The following NSUN3 variants were observed in gnomAD, a reference collection of about 807,000 sequenced individuals.
NSUN3 encodes the protein tRNA (cytosine(34)-C(5))-methyltransferase, mitochondrial.
In NSUN3, 24 loss-of-function variants were observed where a neutral mutation model predicts 36.8. That is an observed-to-expected ratio of 0.65 (90% CI 0.47 to 0.92). The LOEUF (loss-of-function observed/expected upper bound fraction) is 0.92. Ranked by LOEUF, NSUN3 falls within the 40% of genes least tolerant of loss-of-function variation. The pLI, the probability that NSUN3 is intolerant of heterozygous loss-of-function variation, is 0.00. For missense variants in NSUN3, 381 were observed against 392.8 expected, an observed-to-expected ratio of 0.97 and a Z score of 0.25; for synonymous variants, 146 against 145.2, an observed-to-expected ratio of 1.01 and a Z score of -0.04.
At chr3:94,113,245 G>A (rs771357361) in intron 5 of NSUN3, among the ~76,000 whole-genome samples, 32 of 152,102 alleles carry the variant, frequency 2.1e-4, no homozygotes, top group South Asian at 2.1e-4. Context: ...TAGCCCTTAC[G>A]TAATGAATGG....
intron 2 of NSUN3, among the ~76,000 whole-genome samples, chr3:94,082,645 T>C (rs1483303705): frequency 6.6e-6 from 1 of 152,160 alleles, no homozygotes; most frequent in Non-Finnish European, 1.5e-5. Flanking sequence ...TAATTGACCA[T>C]AGTTAATGAG....
At chr3:94,118,801 T>C (rs2077450720) in intron 5 of NSUN3, among the ~76,000 whole-genome samples, 1 of 152,000 alleles carries the variant, frequency 6.6e-6, no homozygotes, top group Admixed American at 6.5e-5. Context: ...GACTTGTCTT[T>C]TTATGTGGTC....
At position 94,126,506 on chromosome 3, in the gene NSUN3, T is replaced by A. The variant is rs201626681; in HGVS notation, c.*16T>A. 1.8e-4 allele frequency: 280 copies of A among 1,588,022 alleles called. 2 individuals are homozygous for A. In the African/African-American group the frequency reaches 3.2e-3, roughly 18 times the overall value. ...AAAATGGTGACATGAATTTGTAAACTGTGTTTATGTGTTATTATATTTATA... is the reference window on the plus strand; with the variant it reads ...AAAATGGTGACATGAATTTGTAAACAGTGTTTATGTGTTATTATATTTATA... On this transcript the variant is annotated 3_prime_UTR_variant, in exon 6 of 6. Coordinates refer to ENST00000314622, the MANE Select transcript of NSUN3 (RefSeq NM_022072.5).
In NSUN3 at chr3:94,076,247, G is replaced by T. The variant is rs1307703440; in HGVS notation, c.123-7860G>T. ...GAATATTTCATCCATGTGACTCAGAGGAATGCAACATAAGTTTCAGATTTC... is the reference window on the plus strand; with the variant it reads ...GAATATTTCATCCATGTGACTCAGATGAATGCAACATAAGTTTCAGATTTC... On this transcript the variant is annotated intron_variant, in intron 2 of 5. Coordinates refer to ENST00000314622, the MANE Select transcript of NSUN3 (RefSeq NM_022072.5). The T allele has an allele frequency of 9.9e-6, 9 of 913,442 alleles. No individual in the cohort carries two copies. The African/African-American group carries it at 1.3e-4, about 13-fold the overall frequency. 56.6% of individuals were successfully genotyped at this position (913,442 alleles called of 1,614,324 possible). A position where few individuals can be genotyped will look rare whatever the true frequency, so the allele number is the denominator to read the frequency against.
intron 3 of NSUN3, among the ~76,000 whole-genome samples, chr3:94,087,524 G>T (rs1377841473): frequency 1.3e-5 from 2 of 152,182 alleles, no homozygotes; most frequent in Non-Finnish European, 2.9e-5. Context: ...CCTGGTCTTG[G>T]CAGAAAAAGA....
chr3:94,120,376 C>A (rs1251666591), intron 5 of NSUN3, among the ~76,000 whole-genome samples: 2 of 152,176 alleles, frequency 1.3e-5, no homozygotes, highest in African/African-American at 4.8e-5. Flanking sequence ...GAACTCTTTT[C>A]ATCTTTCAAA....
intron 5 of NSUN3, among the ~76,000 whole-genome samples, chr3:94,100,312 T>C (rs2077359704): frequency 6.6e-6 from 1 of 152,220 alleles, no homozygotes; most frequent in African/African-American, 2.4e-5. Flanking sequence ...AGCAAGGACA[T>C]TCTGTTATTT....
intron 5 of NSUN3, among the ~76,000 whole-genome samples, chr3:94,098,845 G>T (rs998295949): frequency 3.3e-5 from 5 of 152,126 alleles, no homozygotes; most frequent in African/African-American, 1.2e-4. Flanking sequence ...TAGGAGTGGG[G>T]TGGATATTGT....
intron 4 of NSUN3, 76 bp from the exon 5 acceptor site, chr3:94,094,957 G>T: frequency 1.4e-6 from 2 of 1,453,392 alleles, no homozygotes; most frequent in Admixed American, 1.9e-5. Flanking sequence ...ATGTTTTAGA[G>T]AACTTCTCTA....
In NSUN3 at chr3:94,130,068, A is replaced by G. The variant is rs2077503791; in HGVS notation, c.*3578A>G. ...CACACCCACTGTGTATGTTGTCTTT[A>G]TTGATGCTTAAAACAAACTCAGGAA... is the stretch of plus-strand genomic sequence containing the variant. On this transcript the variant is annotated 3_prime_UTR_variant, in exon 6 of 6. Transcript: ENST00000314622. Among the ~76,000 whole-genome samples the G allele has an allele frequency of 6.6e-6, 1 of 152,080 alleles. No homozygotes were observed. The highest frequency in any genetic ancestry group is 1.5e-5 in the Non-Finnish European group (1 of 68,010).
chr3:94,102,775 C>T (rs201176872), intron 5 of NSUN3, among the ~76,000 whole-genome samples: 1 of 152,004 alleles, frequency 6.6e-6, no homozygotes, highest in East Asian at 1.9e-4. Context: ...TATTTTCTTT[C>T]ATAAAAAATG....
chr3:94,094,035 C>A, intron 3 of NSUN3, 105 bp from the exon 4 acceptor site: 2 of 792,174 alleles, frequency 2.5e-6, no homozygotes, highest in Non-Finnish European at 3.9e-6. Flanking sequence ...CCTATTTCTG[C>A]ATAATTATGA....
chr3:94,079,055 G>A (rs1339036830), intron 2 of NSUN3, among the ~76,000 whole-genome samples: 8 of 152,206 alleles, frequency 5.3e-5, no homozygotes, highest in African/African-American at 1.9e-4. Context: ...TGTTTTTGCA[G>A]TGGCTGGTAC....
chr3:94,065,072 G>A (rs2077198775), intron 2 of NSUN3, among the ~76,000 whole-genome samples: 1 of 152,168 alleles, frequency 6.6e-6, no homozygotes, highest in African/African-American at 2.4e-5. Flanking sequence ...ATGGAAGTGG[G>A]AGAAATGTGA....
At chr3:94,117,571 A>ATTGG (rs1456706931) in intron 5 of NSUN3, among the ~76,000 whole-genome samples, 1 of 152,212 alleles carries the variant, frequency 6.6e-6, no homozygotes, top group African/African-American at 2.4e-5. Flanking sequence ...ATACACTGAA[A>ATTGG]GACAAGCAAA....
intron 5 of NSUN3, among the ~76,000 whole-genome samples, chr3:94,104,410 T>C (rs2077377877): frequency 6.6e-6 from 1 of 152,196 alleles, no homozygotes; most frequent in Admixed American, 6.5e-5. Context: ...AATTTGATCT[T>C]TTATGTTAGC....
intron 2 of NSUN3, chr3:94,076,161 G>A: frequency 8.5e-7 from 1 of 1,176,294 alleles, no homozygotes; most frequent in Non-Finnish European, 1.3e-6. Flanking sequence ...TAGACATTCA[G>A]TCTGCGATCA....
intron 5 of NSUN3, among the ~76,000 whole-genome samples, chr3:94,123,809 CT>C (rs1321138608): frequency 2.0e-5 from 3 of 152,080 alleles, no homozygotes. Flanking sequence ...CTCCTCAGAA[CT>C]TTGTTCAAAT....
chr3:94,108,022 A>G (rs1420464695), intron 5 of NSUN3, among the ~76,000 whole-genome samples: 2 of 89,664 alleles, frequency 2.2e-5, no homozygotes, highest in Non-Finnish European at 4.3e-5. Context: ...TATCATTTCC[A>G]TTTGTTCTAT....
Sources: allele counts gnomAD v4.1 joint callset (sites outside exome capture counted in the v4.1 genomes callset), GRCh38; gene constraint gnomAD v4.1.1; transcripts MANE v1.5; gene names NCBI Gene and HGNC (gene_info 2026-07-23, HGNC 2026-07-21).